The following ILRUN variants were observed in gnomAD, a reference collection of about 807,000 sequenced individuals.
The protein encoded by ILRUN is inflammation and lipid regulator with UBA-like and NBR1-like domains.
Under a neutral mutation model 33.8 loss-of-function variants are expected in ILRUN, and 3 were observed. That is an observed-to-expected ratio of 0.09 (90% CI 0.04 to 0.23). The LOEUF (loss-of-function observed/expected upper bound fraction) is 0.23, where lower values mean the gene tolerates loss of function less well. Among genes scored for constraint, ILRUN ranks in the 10% least tolerant of loss-of-function variants. The pLI is 1.00. For missense variants in ILRUN, 210 were observed against 375.1 expected (o/e 0.56, Z 3.64); for synonymous variants, 124 against 138.9 (o/e 0.89, Z 0.75).
At chr6:34,603,525 C>T (rs1761561633) in intron 4 of ILRUN, among the ~76,000 whole-genome samples, 1 of 151,924 alleles carries the variant, frequency 6.6e-6, no homozygotes, top group South Asian at 2.1e-4. Context: ...GTCCCAGCTA[C>T]CCGGGAGGCT....
At chr6:34,674,090 C>T (rs955951149) in intron 1 of ILRUN, among the ~76,000 whole-genome samples, 1 of 152,078 alleles carries the variant, frequency 6.6e-6, no homozygotes, top group Non-Finnish European at 1.5e-5. Flanking sequence ...GGCAGTGGTG[C>T]GATCTTGACT....
chr6:34,684,860 G>T (rs554954005), intron 1 of ILRUN, among the ~76,000 whole-genome samples: 110 of 152,348 alleles, frequency 7.2e-4, no homozygotes, highest in African/African-American at 2.6e-3. Context: ...AGGAAAGGTA[G>T]AAGTAGGTAA....
chr6:34,650,302 A>C (rs1762634185), intron 2 of ILRUN, among the ~76,000 whole-genome samples: 1 of 152,174 alleles, frequency 6.6e-6, no homozygotes. Context: ...CAGAAGTCTG[A>C]ATCCTAGAAT....
At chr6:34,647,006 T>C (rs1400959098) in intron 2 of ILRUN, among the ~76,000 whole-genome samples, 1 of 151,324 alleles carries the variant, frequency 6.6e-6, no homozygotes, top group Non-Finnish European at 1.5e-5. Flanking sequence ...TCTAACCCTA[T>C]GAAGAAGCAC....
intron 3 of ILRUN, among the ~76,000 whole-genome samples, chr6:34,633,783 T>C (rs1484628039): frequency 1.5e-5 from 2 of 137,542 alleles, no homozygotes; most frequent in African/African-American, 2.7e-5. Flanking sequence ...CTGTCAGAAA[T>C]GGAAAGGGAA....
chr6:34,633,700 G>C (rs1299868005), intron 3 of ILRUN, among the ~76,000 whole-genome samples: 1 of 151,192 alleles, frequency 6.6e-6, no homozygotes, highest in Non-Finnish European at 1.5e-5. Context: ...AAAATAAAAA[G>C]TAAAAAACAA....
chr6:34,621,664 G>A (rs1582052532), intron 3 of ILRUN, among the ~76,000 whole-genome samples: 1 of 152,202 alleles, frequency 6.6e-6, no homozygotes, highest in East Asian at 1.9e-4. Context: ...TTCGAGACCA[G>A]CCTGGCTAAA....
At chr6:34,667,810 A>G (rs984285623) in intron 1 of ILRUN, among the ~76,000 whole-genome samples, 2 of 152,216 alleles carry the variant, frequency 1.3e-5, no homozygotes, top group Admixed American at 6.5e-5. Context: ...TGTCAATGTC[A>G]TAGAATACCC....
chr6:34,597,382 C>G (rs6936924), intron 4 of ILRUN, among the ~76,000 whole-genome samples: 1 of 152,112 alleles, frequency 6.6e-6, no homozygotes, highest in Non-Finnish European at 1.5e-5. Context: ...AGAGGAAGAA[C>G]GAACAGTAAC....
At chr6:34,661,734 G>A (rs993539302) in intron 1 of ILRUN, among the ~76,000 whole-genome samples, 1 of 152,140 alleles carries the variant, frequency 6.6e-6, no homozygotes, top group Non-Finnish European at 1.5e-5. Context: ...CTAGTTTGAA[G>A]TAAGTTTGTT....
intron 3 of ILRUN, among the ~76,000 whole-genome samples, chr6:34,620,161 T>C (rs552132957): frequency 3.4e-4 from 52 of 152,220 alleles, no homozygotes; most frequent in Middle Eastern, 3.4e-3. Flanking sequence ...CAGGGATGGA[T>C]ATATATTATA....
intron 1 of ILRUN, among the ~76,000 whole-genome samples, chr6:34,678,373 AG>A (rs1397319146): frequency 2.6e-5 from 4 of 151,930 alleles, no homozygotes; most frequent in Admixed American, 2.6e-4. Context: ...CTTTTATTTT[AG>A]GTTCAGGGAG....
intron 1 of ILRUN, among the ~76,000 whole-genome samples, chr6:34,662,639 T>C (rs1361760239): frequency 2.0e-5 from 3 of 152,234 alleles, no homozygotes; most frequent in Non-Finnish European, 4.4e-5. Flanking sequence ...AATAAGTCCG[T>C]CACAAAGGTC....
intron 3 of ILRUN, 143 bp from the exon 4 acceptor site, chr6:34,607,047 C>T (rs1456158519): frequency 1.5e-6 from 1 of 662,834 alleles, no homozygotes; most frequent in Non-Finnish European, 2.5e-6. Context: ...GCTAACAAAG[C>T]TGCCTGGTAC....
intron 3 of ILRUN, among the ~76,000 whole-genome samples, chr6:34,635,658 A>G (rs1459031104): frequency 7.5e-6 from 1 of 133,834 alleles, no homozygotes; most frequent in African/African-American, 2.9e-5. Flanking sequence ...TCTGTTGCCC[A>G]GGCTACAATG....
At chr6:34,615,053 A>G (rs1761854070) in intron 3 of ILRUN, among the ~76,000 whole-genome samples, 1 of 152,224 alleles carries the variant, frequency 6.6e-6, no homozygotes. Flanking sequence ...ATTCTGGAAT[A>G]GAAACAGGTC....
chr6:34,615,663 A>G (rs1324299739), intron 3 of ILRUN, among the ~76,000 whole-genome samples: 1 of 152,206 alleles, frequency 6.6e-6, no homozygotes, highest in Non-Finnish European at 1.5e-5. Context: ...AGAATTGACT[A>G]GCAAAAGAGA....
At chr6:34,693,191 GC>G (rs1201729056) in intron 1 of ILRUN, among the ~76,000 whole-genome samples, 4 of 152,088 alleles carry the variant, frequency 2.6e-5, no homozygotes, top group Non-Finnish European at 5.9e-5. Context: ...AAGCCTTCCT[GC>G]TTTTAGTTCA....
intron 1 of ILRUN, among the ~76,000 whole-genome samples, chr6:34,667,981 T>C (rs1396707596): frequency 6.6e-6 from 1 of 152,198 alleles, no homozygotes; most frequent in African/African-American, 2.4e-5. Context: ...ATAATACTTT[T>C]GTTTCCATGT....
Sources: allele counts gnomAD v4.1 joint callset (sites outside exome capture counted in the v4.1 genomes callset), GRCh38; gene constraint gnomAD v4.1.1; transcripts MANE v1.5; gene names NCBI Gene and HGNC (gene_info 2026-07-23, HGNC 2026-07-21).